SNX29: variants seen among roughly 807,000 people sequenced by gnomAD.
SNX29 encodes the protein sorting nexin 29.
In SNX29, 78 loss-of-function variants were observed where a neutral mutation model predicts 102.1. The ratio of observed to expected loss-of-function variants is 0.76; its 90% confidence interval spans 0.64 to 0.92. SNX29 has a LOEUF of 0.92. Ranked by LOEUF, SNX29 falls within the 40% of genes least tolerant of loss-of-function variation. The pLI is 0.00. For missense variants in SNX29, 1,280 were observed against 1,061.7 expected (o/e 1.21, Z -2.86); for synonymous variants, 580 against 414.5 (o/e 1.40, Z -4.85).
At chr16:12,344,671 G>T (rs1284605089) in intron 15 of SNX29, among the ~76,000 whole-genome samples, 1 of 152,218 alleles carries the variant, frequency 6.6e-6, no homozygotes, top group Non-Finnish European at 1.5e-5. Context: ...TCCAATACAT[G>T]CTCAGTAAAT....
chr16:12,497,951 A>T (rs908046020), intron 19 of SNX29, among the ~76,000 whole-genome samples: 2 of 152,302 alleles, frequency 1.3e-5, no homozygotes, highest in Admixed American at 1.3e-4. Flanking sequence ...ACTCTCAGAC[A>T]AGGTTGATTC....
chr16:12,017,272 G>A (rs1327617823), intron 3 of SNX29, among the ~76,000 whole-genome samples: 1 of 152,120 alleles, frequency 6.6e-6, no homozygotes, highest in Non-Finnish European at 1.5e-5. Context: ...CCTAACCTGG[G>A]CCTCAGTGTT....
At position 12,572,514 on chromosome 16, in the gene SNX29, C is replaced by T. The variant is rs532336416; in HGVS notation, c.*3885C>T. 1.6e-4 allele frequency: 169 copies of T among 1,064,046 alleles called. 1 individual carries two copies. The African/African-American group carries it at 2.2e-3, about 14-fold the overall frequency. The allele number at this position is 1,064,046 out of a possible 1,614,324, so 65.9% of individuals were successfully genotyped here. A position where few individuals can be genotyped will look rare whatever the true frequency, so the allele number is the denominator to read the frequency against. ...TCCAGGCCTCGGCCTTCCTGCTCCA[C>T]GTGCTCAAGCCCCCACAGGGGGCTG... is the stretch of plus-strand genomic sequence containing the variant. On this transcript the variant is annotated 3_prime_UTR_variant, in exon 21 of 21. Transcript: ENST00000566228.
chr16:12,549,617 C>G (rs1010713786), intron 20 of SNX29, among the ~76,000 whole-genome samples: 20 of 152,226 alleles, frequency 1.3e-4, no homozygotes, highest in African/African-American at 3.4e-4. Flanking sequence ...AGTCCTTGCC[C>G]TCCACACGCT....
intron 13 of SNX29, among the ~76,000 whole-genome samples, chr16:12,139,678 C>T (rs982442101): frequency 6.6e-6 from 1 of 152,086 alleles, no homozygotes; most frequent in African/African-American, 2.4e-5. Context: ...AGCCCCTCAG[C>T]CATTCATTGA....
At chr16:12,019,639 T>TG (rs2151088877) in intron 3 of SNX29, among the ~76,000 whole-genome samples, 1 of 145,006 alleles carries the variant, frequency 6.9e-6, no homozygotes, top group East Asian at 2.0e-4. Context: ...GATATATAAT[T>TG]TTTTTTTTTT....
chr16:12,538,132 T>C (rs1289618929), intron 20 of SNX29, among the ~76,000 whole-genome samples: 1 of 152,194 alleles, frequency 6.6e-6, no homozygotes, highest in Non-Finnish European at 1.5e-5. Flanking sequence ...TTTTTTATTT[T>C]TGAGACGGAG....
intron 13 of SNX29, among the ~76,000 whole-genome samples, chr16:12,169,662 C>G (rs562207976): frequency 6.6e-6 from 1 of 152,154 alleles, no homozygotes; most frequent in African/African-American, 2.4e-5. Flanking sequence ...TAGTTCGAGA[C>G]CAGCCTGGCC....
chr16:12,552,936 T>C (rs964339740), intron 20 of SNX29, among the ~76,000 whole-genome samples: 3 of 152,246 alleles, frequency 2.0e-5, no homozygotes, highest in East Asian at 1.9e-4. Context: ...CCTGGCCTTA[T>C]ATGCCACGTC....
intron 20 of SNX29, chr16:12,526,871 G>T: frequency 2.5e-6 from 1 of 400,250 alleles, no homozygotes; most frequent in South Asian, 2.5e-5. Context: ...ACGTTAATGC[G>T]AGCCTGTCGG....
intron 14 of SNX29, among the ~76,000 whole-genome samples, chr16:12,275,800 A>G (rs2079227663): frequency 6.7e-6 from 1 of 149,440 alleles, no homozygotes; most frequent in Non-Finnish European, 1.5e-5. Context: ...GTGTGATATT[A>G]TGATAGATGT....
intron 18 of SNX29, among the ~76,000 whole-genome samples, chr16:12,474,625 G>C (rs2151806669): frequency 6.6e-6 from 1 of 152,318 alleles, no homozygotes; most frequent in Non-Finnish European, 1.5e-5. Flanking sequence ...ACAGGAGAGA[G>C]ACTTGTATTT....
At chr16:12,167,302 C>T (rs966847083) in intron 13 of SNX29, among the ~76,000 whole-genome samples, 7 of 152,236 alleles carry the variant, frequency 4.6e-5, no homozygotes, top group Middle Eastern at 3.4e-3. Flanking sequence ...GCTCTGCCGC[C>T]GATGCAGATG....
At chr16:12,528,880 G>A (rs1263147911) in intron 20 of SNX29, among the ~76,000 whole-genome samples, 1 of 152,184 alleles carries the variant, frequency 6.6e-6, no homozygotes, top group Non-Finnish European at 1.5e-5. Flanking sequence ...AGGTGGGCAG[G>A]AAAGATAAAA....
At chr16:12,045,168 C>T (rs373930261) in intron 5 of SNX29, among the ~76,000 whole-genome samples, 5 of 152,292 alleles carry the variant, frequency 3.3e-5, no homozygotes, top group African/African-American at 1.2e-4. Flanking sequence ...GTGGTTTGTA[C>T]GTCTACTAAC....
intron 15 of SNX29, among the ~76,000 whole-genome samples, chr16:12,320,721 G>T (rs1295678766): frequency 6.6e-6 from 1 of 152,122 alleles, no homozygotes; most frequent in Non-Finnish European, 1.5e-5. Flanking sequence ...GATAAATGAG[G>T]CCGATAAGAG....
intron 15 of SNX29, among the ~76,000 whole-genome samples, chr16:12,279,775 G>A (rs139644322): frequency 1.3e-5 from 2 of 152,212 alleles, no homozygotes; most frequent in African/African-American, 4.8e-5. Flanking sequence ...AGTTCTCCTG[G>A]GATGGGGATG....
intron 1 of SNX29, among the ~76,000 whole-genome samples, chr16:11,998,899 T>C (rs1209764975): frequency 6.6e-6 from 1 of 152,200 alleles, no homozygotes; most frequent in African/African-American, 2.4e-5. Context: ...TATTTTATTT[T>C]AGGCTGCTGG....
chr16:12,018,644 C>T (rs2056922020), intron 3 of SNX29, among the ~76,000 whole-genome samples: 1 of 151,364 alleles, frequency 6.6e-6, no homozygotes, highest in East Asian at 1.9e-4. Context: ...AAGTTCCTCT[C>T]CTCTAGTTTT....
Sources: gnomAD v4.1 joint callset for allele counts (sites outside exome capture counted in the v4.1 genomes callset) on GRCh38, gnomAD v4.1.1 for gene constraint, MANE v1.5 for transcripts, NCBI Gene and HGNC (gene_info 2026-07-23, HGNC 2026-07-21) for gene names.